Variants in NPAS3 observed in about 807,000 individuals in gnomAD.
NPAS3 encodes the protein neuronal PAS domain-containing protein 3.
A neutral mutation model predicts 73.1 loss-of-function variants in NPAS3; 14 were observed. The ratio of observed to expected loss-of-function variants is 0.19; its 90% CI spans 0.13 to 0.30. The LOEUF (loss-of-function observed/expected upper bound fraction) is 0.30, where lower values mean the gene tolerates loss of function less well. NPAS3 is among the 10% of genes least tolerant of loss of function. The pLI, the probability that NPAS3 is intolerant of heterozygous loss-of-function variation, is 1.00. For missense variants in NPAS3, 1,096 were observed against 1,250.0 expected (o/e 0.88, Z 1.86); for synonymous variants, 620 against 541.5 (o/e 1.14, Z -2.01).
intron 4 of NPAS3, among the ~76,000 whole-genome samples, chr14:33,498,929 AGAGAGAGTGT>A (rs1427162236): frequency 2.0e-5 from 2 of 100,204 alleles, no homozygotes; most frequent in African/African-American, 4.8e-5. Context: ...AGAGAGACAG[AGAGAGAGTGT>A]GTGTGTGTGT....
intron 9 of NPAS3, among the ~76,000 whole-genome samples, chr14:33,787,708 C>T (rs1035179210): frequency 7.9e-5 from 12 of 152,018 alleles, no homozygotes; most frequent in Non-Finnish European, 1.3e-4. Context: ...ATCAAAGCCT[C>T]GGTTGATCCT....
intron 3 of NPAS3, among the ~76,000 whole-genome samples, chr14:33,225,379 CCA>C (rs1400791698): frequency 6.6e-6 from 1 of 152,172 alleles, no homozygotes; most frequent in Non-Finnish European, 1.5e-5. Flanking sequence ...TTCTATTCTT[CCA>C]GTCTTGGTCA....
chr14:33,377,569 T>TC (rs2046363000), intron 4 of NPAS3, among the ~76,000 whole-genome samples: 1 of 152,246 alleles, frequency 6.6e-6, no homozygotes, highest in Non-Finnish European at 1.5e-5. Context: ...CAGAAGGATG[T>TC]TCATAATGAT....
Position 33,056,014 on chromosome 14 carries a change from A to T in NPAS3, c.140+20A>T. The T allele has an allele frequency of 1.2e-6, 1 of 806,368 alleles. No individual in the cohort carries two copies. Among genetic ancestry groups the T allele is most frequent in the Non-Finnish European group, 2.1e-6 (1 of 465,466 alleles). The allele number at this position is 806,368 out of a possible 1,614,324, so 50.0% of individuals were successfully genotyped here. On this transcript the variant is annotated intron_variant, in intron 2 of 11. Transcript: ENST00000356141. ...CCAGAAGTATGTTGAAATCTTTGTG[A>T]GTCTTCCTTCTGGCTCGTACATCAG...
At chr14:33,756,093 C>G (rs558613968) in intron 7 of NPAS3, among the ~76,000 whole-genome samples, 3 of 152,108 alleles carry the variant, frequency 2.0e-5, no homozygotes, top group African/African-American at 7.2e-5. Context: ...GGGCAAATAC[C>G]CAAACCATAG....
Position 33,593,678 on chromosome 14 carries a change from G to A in NPAS3, c.558+33468G>A, listed in dbSNP as rs189180648. 1.8e-4 allele frequency among the ~76,000 whole-genome samples: 28 copies of A among 152,276 alleles called. No individual in the cohort carries two copies. In the East Asian group the frequency reaches 3.9e-3, roughly 21 times the overall value. ...AATGATTTCTAAGGTTTCTTCTAACGTTTATATTCTATTCTAACATCTAAG... is the reference window on the plus strand; with the variant it reads ...AATGATTTCTAAGGTTTCTTCTAACATTTATATTCTATTCTAACATCTAAG... On this transcript the variant is annotated intron_variant, in intron 5 of 11. Transcript: ENST00000356141.
chr14:33,677,170 G>A (rs1401955802), intron 6 of NPAS3, among the ~76,000 whole-genome samples: 1 of 152,198 alleles, frequency 6.6e-6, no homozygotes, highest in Non-Finnish European at 1.5e-5. Context: ...TCTTCCGAGA[G>A]CGCTGGTAAT....
At chr14:33,176,886 T>A (rs2045607017) in intron 2 of NPAS3, among the ~76,000 whole-genome samples, 1 of 151,958 alleles carries the variant, frequency 6.6e-6, no homozygotes, top group Non-Finnish European at 1.5e-5. Context: ...GACTTGTTAT[T>A]TTTCTTTTTT....
At chr14:33,546,919 T>C (rs2054872661) in intron 4 of NPAS3, among the ~76,000 whole-genome samples, 1 of 152,182 alleles carries the variant, frequency 6.6e-6, no homozygotes, top group Admixed American at 6.5e-5. Context: ...GTCTGTGTGC[T>C]GTTTAGGAAA....
chr14:33,064,968 G>T (rs1274605025), intron 2 of NPAS3, among the ~76,000 whole-genome samples: 1 of 151,080 alleles, frequency 6.6e-6, no homozygotes, highest in Non-Finnish European at 1.5e-5. Flanking sequence ...GAAGCTACAT[G>T]GTCAGTTTCC....
intron 1 of NPAS3, among the ~76,000 whole-genome samples, chr14:33,043,179 A>C (rs1157339915): frequency 1.3e-5 from 2 of 152,206 alleles, no homozygotes; most frequent in African/African-American, 4.8e-5. Context: ...TAAAAGATTT[A>C]TGATAAGAAC....
chr14:33,109,317 T>G (rs2042817257), intron 2 of NPAS3, among the ~76,000 whole-genome samples: 1 of 152,170 alleles, frequency 6.6e-6, no homozygotes, highest in African/African-American at 2.4e-5. Flanking sequence ...ATGGGGGTGA[T>G]ACTACTAAGC....
At chr14:33,340,695 C>T (rs2044435513) in intron 3 of NPAS3, among the ~76,000 whole-genome samples, 3 of 152,088 alleles carry the variant, frequency 2.0e-5, no homozygotes, top group Admixed American at 2.0e-4. Context: ...CACAGCCTTC[C>T]CCGATCAGCT....
chr14:33,802,392 G>GAAAAAAAAAAAAAAAAAAAAAAAAAAAT (rs1161378596), downstream of NPAS3: 1 of 92,192 alleles, frequency 1.1e-5, no homozygotes, highest in African/African-American at 3.7e-5. Context: ...AAAAAAAAAA[G>GAAAAAAAAAAAAAAAAAAAAAAAAAAAT]AAAAAAAAAA....
chr14:33,291,924 T>C (rs557652441), intron 3 of NPAS3, among the ~76,000 whole-genome samples: 3 of 152,326 alleles, frequency 2.0e-5, no homozygotes, highest in South Asian at 4.1e-4. Flanking sequence ...CCATTCCTTG[T>C]TCTCACCACT....
At chr14:33,579,280 C>A (rs570046101) in intron 5 of NPAS3, among the ~76,000 whole-genome samples, 3 of 152,178 alleles carry the variant, frequency 2.0e-5, no homozygotes, top group Admixed American at 6.5e-5. Context: ...TAATTCAGAC[C>A]AAAATAAATA....
chr14:33,458,377 T>C (rs2050113431), intron 4 of NPAS3, among the ~76,000 whole-genome samples: 1 of 152,242 alleles, frequency 6.6e-6, no homozygotes, highest in African/African-American at 2.4e-5. Flanking sequence ...TCTGTTTTGA[T>C]AGTGATTAGT....
chr14:33,680,516 A>C (rs917839380), intron 6 of NPAS3: 1 of 681,264 alleles, frequency 1.5e-6, no homozygotes, highest in African/African-American at 1.8e-5. Flanking sequence ...ATTTCTTTCT[A>C]AAATAAGATT....
intron 2 of NPAS3, among the ~76,000 whole-genome samples, chr14:33,127,434 G>A (rs1379526934): frequency 1.3e-5 from 2 of 152,088 alleles, no homozygotes; most frequent in Admixed American, 6.6e-5. Context: ...ACTTAATGAT[G>A]TTTGTAGTGT....
Sources: gnomAD v4.1 joint callset for allele counts (sites outside exome capture counted in the v4.1 genomes callset) on GRCh38, gnomAD v4.1.1 for gene constraint, MANE v1.5 for transcripts, NCBI Gene and HGNC (gene_info 2026-07-23, HGNC 2026-07-21) for gene names.